The following TCEA1 variants were observed in gnomAD, a reference collection of about 807,000 sequenced individuals.
The protein encoded by TCEA1 is transcription elongation factor A protein 1.
In TCEA1, 21 loss-of-function variants were observed where a neutral mutation model predicts 43.8. The observed-to-expected ratio is 0.48, with a 90% CI of 0.34 to 0.69. The LOEUF (loss-of-function observed/expected upper bound fraction) is 0.69, where lower values mean the gene tolerates loss of function less well. Among genes scored for constraint, TCEA1 ranks in the 30% least tolerant of loss-of-function variants. TCEA1 has a pLI of 0.01. For synonymous variants in TCEA1, 104 were observed against 117.5 expected, an observed-to-expected ratio of 0.88 and a Z score of 0.75; for missense variants, 250 against 365.1, an observed-to-expected ratio of 0.68 and a Z score of 2.57.
chr8:53,995,030 G>A (rs1804007608), intron 3 of TCEA1, among the ~76,000 whole-genome samples: 2 of 152,130 alleles, frequency 1.3e-5, no homozygotes, highest in East Asian at 1.9e-4. Flanking sequence ...GTCAAATGTG[G>A]TGGCTGACAC....
intron 3 of TCEA1, among the ~76,000 whole-genome samples, chr8:53,997,239 TTATAAG>T (rs1334862369): frequency 6.6e-6 from 1 of 152,110 alleles, no homozygotes; most frequent in African/African-American, 2.4e-5. Context: ...AATGATGATT[TTATAAG>T]TATTGAAGCA....
intron 4 of TCEA1, among the ~76,000 whole-genome samples, chr8:53,990,719 C>G (rs1417766615): frequency 1.3e-5 from 2 of 152,174 alleles, no homozygotes; most frequent in African/African-American, 2.4e-5. Context: ...TGTCTGTAGC[C>G]AAATGCTCCA....
intron 2 of TCEA1, among the ~76,000 whole-genome samples, chr8:54,004,726 T>C (rs751973591): frequency 2.6e-5 from 4 of 151,794 alleles, no homozygotes; most frequent in Non-Finnish European, 5.9e-5. Flanking sequence ...CAATGAATCA[T>C]ACACTTTAAA....
In TCEA1 at chr8:53,997,897, G is replaced by C. The variant is rs142523496; in HGVS notation, c.232+2048C>G. ...CAAAACAAAAAAAGTGGTGGGAAAG[G>C]GGGTGGATAGGGGAATAAACCTGCT... On this transcript the variant is annotated intron_variant, in intron 3 of 9. Transcript: ENST00000521604. Among the ~76,000 whole-genome samples, 649 of 152,298 alleles carry C rather than the reference G, an allele frequency of 4.3e-3. 3 individuals carry two copies. The highest frequency in any genetic ancestry group is 0.014 in the African/African-American group (576 of 41,562).
At chr8:54,003,643 A>G (rs953683409) in intron 2 of TCEA1, among the ~76,000 whole-genome samples, 22 of 152,214 alleles carry the variant, frequency 1.4e-4, no homozygotes, top group Admixed American at 1.4e-3. Flanking sequence ...AGACATCCAC[A>G]TGTAAAAGAA....
rs1338535367 is a variant in TCEA1 at position 53,988,246 on chromosome 8, T to G, written c.334A>C (p.Asn112His). Residue 112 changes from asparagine to histidine, a missense_variant, in exon 5 of 10, where the codon AAT becomes CAT. Asn to His is a moderately conservative substitution (Grantham distance 68). Coordinates refer to ENST00000521604, the MANE Select transcript of TCEA1 (RefSeq NM_006756.4). Reference sequence around the variant, plus strand: ...GTCTCATCCTTTCTGTTGCTTACATTGCCGCTGGAAGTACTGAAATACGCA... The same window carrying G: ...GTCTCATCCTTTCTGTTGCTTACATGGCCGCTGGAAGTACTGAAATACGCA... ...EAREESTSSG[N>H]VSNRKDETNA... The G allele has an allele frequency of 5.6e-6, 9 of 1,613,060 alleles. No homozygotes were observed. Among genetic ancestry groups the G allele is most frequent in the Non-Finnish European group, 7.6e-6 (9 of 1,179,528 alleles).
At chr8:53,994,741 C>A (rs994599642) in intron 3 of TCEA1, among the ~76,000 whole-genome samples, 1 of 151,840 alleles carries the variant, frequency 6.6e-6, no homozygotes, top group African/African-American at 2.4e-5. Context: ...CGTGGTGATA[C>A]GCGCCTGTAG....
At chr8:53,995,679 A>T (rs1319660873) in intron 3 of TCEA1, among the ~76,000 whole-genome samples, 1 of 152,226 alleles carries the variant, frequency 6.6e-6, no homozygotes, top group Non-Finnish European at 1.5e-5. Context: ...TTTTAAACAT[A>T]TCCTCATGCC....
intron 2 of TCEA1, chr8:54,003,095 T>C (rs1804323189): frequency 2.2e-6 from 1 of 456,114 alleles, no homozygotes; most frequent in Non-Finnish European, 4.4e-6. Flanking sequence ...CACTAAATCT[T>C]AAGGTAAAAA....
chr8:54,000,884 C>T (rs953302823), intron 2 of TCEA1, among the ~76,000 whole-genome samples: 3 of 151,870 alleles, frequency 2.0e-5, no homozygotes, highest in Non-Finnish European at 2.9e-5. Flanking sequence ...CTCAGCCTCC[C>T]GAGTAGCTGG....
At chr8:53,982,613 C>CAAAAA (rs558788906) in intron 7 of TCEA1, among the ~76,000 whole-genome samples, 12 of 57,748 alleles carry the variant, frequency 2.1e-4, no homozygotes, top group African/African-American at 3.8e-4. Context: ...CATTCCCCAC[C>CAAAAA]AAAAAAAAAA....
chr8:54,021,413 G>A (rs1805025359), intron 1 of TCEA1: 1 of 152,190 alleles, frequency 6.6e-6, no homozygotes, highest in South Asian at 2.1e-4. Context: ...CCCTCTACCA[G>A]CATTCCGGTG....
intron 2 of TCEA1, among the ~76,000 whole-genome samples, chr8:54,000,917 G>A (rs1480877789): frequency 2.6e-5 from 4 of 151,852 alleles, no homozygotes; most frequent in South Asian, 2.1e-4. Flanking sequence ...ATGCCACCTC[G>A]CCCGGCTGAT....
intron 1 of TCEA1, among the ~76,000 whole-genome samples, chr8:54,012,276 T>C (rs928072319): frequency 1.4e-4 from 22 of 152,168 alleles, no homozygotes; most frequent in African/African-American, 5.3e-4. Context: ...TACAGAAATG[T>C]TAAGGCCGGG....
At chr8:53,997,072 AT>A (rs1191649944) in intron 3 of TCEA1, among the ~76,000 whole-genome samples, 5 of 151,598 alleles carry the variant, frequency 3.3e-5, no homozygotes, top group Non-Finnish European at 7.4e-5. Flanking sequence ...CACTCAGCTA[AT>A]TTTTTTGTAT....
intron 2 of TCEA1, 113 bp downstream of exon 2, chr8:54,010,317 G>T: frequency 1.3e-6 from 1 of 772,986 alleles, no homozygotes; most frequent in Non-Finnish European, 2.1e-6. Context: ...ATAGCAGTTA[G>T]TAATGGTTTA....
intron 7 of TCEA1, among the ~76,000 whole-genome samples, chr8:53,982,543 G>A (rs938130473): frequency 2.0e-5 from 3 of 150,354 alleles, no homozygotes; most frequent in Non-Finnish European, 4.4e-5. Context: ...AGGAGGCAGA[G>A]GTTGCAGTGA....
Position 53,988,197 on chromosome 8 carries a change from G to A in TCEA1, c.383C>T (p.Ser128Leu). The change falls in exon 5 of 10, where the codon TCA becomes TTA. Residue 128 changes from serine (S) to leucine (L), a missense_variant. Physicochemically the swap from Ser to Leu is moderately radical, Grantham distance 145. Coordinates refer to ENST00000521604, the MANE Select transcript of TCEA1 (RefSeq NM_006756.4). ...AGTGCTTGGTGCCCGAGGAAAGGAT[G>A]AAACATAAGTATCTCGAGCATTTGT... ...DETNARDTYV[S>L]SFPRAPSTSD... is the part of the protein sequence containing the mutation. 1.9e-5 allele frequency: 30 copies of A among 1,613,422 alleles called. No individual in the cohort carries two copies. Among genetic ancestry groups the A allele is most frequent in the Non-Finnish European group, 2.5e-5 (30 of 1,179,640 alleles).
Position 53,988,260 on chromosome 8 carries a change from C to T in TCEA1, c.321-1G>A. 1 of 1,611,076 alleles carries T rather than the reference C, an allele frequency of 6.2e-7. No individual in the cohort carries two copies. Among genetic ancestry groups the T allele is most frequent in the Non-Finnish European group, 8.5e-7 (1 of 1,178,282 alleles). ...GTTGCTTACATTGCCGCTGGAAGTA[C>T]TGAAATACGCACAAACACCCCAAAA... is the stretch of plus-strand genomic sequence containing the variant. On this transcript the variant is annotated splice_acceptor_variant, in intron 4 of 9. Coordinates refer to ENST00000521604, the MANE Select transcript of TCEA1 (RefSeq NM_006756.4). LOFTEE classifies it high-confidence loss of function.
Sources: allele counts gnomAD v4.1 joint callset (sites outside exome capture counted in the v4.1 genomes callset), GRCh38; gene constraint gnomAD v4.1.1; transcripts MANE v1.5; gene names NCBI Gene and HGNC (gene_info 2026-07-23, HGNC 2026-07-21).